The following CAMTA1 variants were observed in gnomAD, a reference collection of about 807,000 sequenced individuals.
CAMTA1 encodes the protein calmodulin-binding transcription activator 1.
Under a neutral mutation model 170.9 loss-of-function variants are expected in CAMTA1, and 27 were observed. The ratio of observed to expected loss-of-function variants is 0.16; its 90% CI spans 0.12 to 0.22. The LOEUF is 0.22. CAMTA1 is among the 10% of genes least tolerant of loss of function. CAMTA1 has a pLI of 1.00. For synonymous variants in CAMTA1, 833 were observed against 891.5 expected (o/e 0.93, Z 1.17); for missense variants, 1,619 against 2,217.2 (o/e 0.73, Z 5.42).
At chr1:7,432,121 A>G (rs562195557) in intron 5 of CAMTA1, among the ~76,000 whole-genome samples, 95 of 152,320 alleles carry the variant, frequency 6.2e-4, no homozygotes, top group Non-Finnish European at 2.9e-5. Context: ...AAGGCTGACC[A>G]GCGCAGAGCC....
chr1:7,605,452 C>T (rs993693795), intron 6 of CAMTA1, among the ~76,000 whole-genome samples: 12 of 152,210 alleles, frequency 7.9e-5, no homozygotes, highest in Admixed American at 2.0e-4. Flanking sequence ...TAGCAATGAG[C>T]GAGGCTCTGT....
intron 3 of CAMTA1, among the ~76,000 whole-genome samples, chr1:6,872,337 G>A (rs1668648766): frequency 6.6e-6 from 1 of 151,984 alleles, no homozygotes; most frequent in Admixed American, 6.6e-5. Context: ...AGTCTTAGCT[G>A]CCACATTATA....
chr1:7,111,860 G>A (rs1644062713), intron 4 of CAMTA1, among the ~76,000 whole-genome samples: 1 of 146,636 alleles, frequency 6.8e-6, no homozygotes, highest in African/African-American at 2.6e-5. Context: ...ACTCCAGCCT[G>A]GGCGACCGGG....
At chr1:7,593,611 T>G (rs1176431079) in intron 6 of CAMTA1, among the ~76,000 whole-genome samples, 1 of 150,558 alleles carries the variant, frequency 6.6e-6, no homozygotes, top group East Asian at 2.0e-4. Context: ...TGCCTCAGCC[T>G]CCTGAGTAGC....
In CAMTA1 at chr1:6,793,400, C is replaced by T. The variant is rs192054135; in HGVS notation, c.45+7825C>T. Among the ~76,000 whole-genome samples, 5 of 152,184 alleles carry T rather than the reference C, an allele frequency of 3.3e-5. No homozygotes were observed. In the East Asian group the frequency reaches 9.7e-4, roughly 29 times the overall value. On this transcript the variant is annotated intron_variant, in intron 1 of 22. Coordinates refer to ENST00000303635, the MANE Select transcript of CAMTA1 (RefSeq NM_015215.4). ...CAAAGTGGATTTTTCCCCATTTATTCCTATCTAACCATTGGAATAAATGTT... is the reference window on the plus strand; with the variant it reads ...CAAAGTGGATTTTTCCCCATTTATTTCTATCTAACCATTGGAATAAATGTT...
intron 4 of CAMTA1, among the ~76,000 whole-genome samples, chr1:7,227,437 C>T (rs1661913878): frequency 6.6e-6 from 1 of 152,130 alleles, no homozygotes; most frequent in African/African-American, 2.4e-5. Context: ...AAGCGATTCT[C>T]CTGCCTCAGC....
intron 6 of CAMTA1, among the ~76,000 whole-genome samples, chr1:7,498,912 C>T (rs571677850): frequency 0.022 from 1,903 of 87,864 alleles, 65 homozygotes; most frequent in African/African-American, 0.093. Context: ...GGTGTGAGTG[C>T]GTATGTATAT....
intron 3 of CAMTA1, among the ~76,000 whole-genome samples, chr1:6,968,893 T>G (rs1271135495): frequency 6.6e-6 from 1 of 152,150 alleles, no homozygotes; most frequent in East Asian, 1.9e-4. Flanking sequence ...CCAGTGTGGC[T>G]GCAGCATGGA....
At chr1:7,449,897 C>A (rs999665477) in intron 5 of CAMTA1, among the ~76,000 whole-genome samples, 2 of 152,120 alleles carry the variant, frequency 1.3e-5, no homozygotes, top group Admixed American at 1.3e-4. Context: ...CTCCATGCAG[C>A]CCCCAGGGGA....
chr1:7,375,381 C>T (rs1351948860), intron 5 of CAMTA1, among the ~76,000 whole-genome samples: 2 of 152,190 alleles, frequency 1.3e-5, no homozygotes, highest in East Asian at 1.9e-4. Flanking sequence ...CTAGAGACTC[C>T]AGTGGGGCCC....
chr1:7,623,482 A>G (rs2095612641), intron 6 of CAMTA1, among the ~76,000 whole-genome samples: 1 of 152,172 alleles, frequency 6.6e-6, no homozygotes, highest in African/African-American at 2.4e-5. Flanking sequence ...CCACACACTG[A>G]GTCCTTTCTC....
intron 3 of CAMTA1, among the ~76,000 whole-genome samples, chr1:7,017,449 A>G (rs1225506149): frequency 6.6e-6 from 1 of 152,260 alleles, no homozygotes; most frequent in African/African-American, 2.4e-5. Flanking sequence ...TTTGCTAAAT[A>G]TAAATGCCTT....
intron 3 of CAMTA1, among the ~76,000 whole-genome samples, chr1:7,086,135 G>A (rs985986939): frequency 6.6e-6 from 1 of 152,068 alleles, no homozygotes; most frequent in African/African-American, 2.4e-5. Flanking sequence ...CTACTTGAAC[G>A]TCCAAAGGAC....
intron 3 of CAMTA1, among the ~76,000 whole-genome samples, chr1:6,827,237 G>A (rs928222475): frequency 9.9e-5 from 15 of 152,174 alleles, no homozygotes; most frequent in African/African-American, 3.1e-4. Context: ...CTAGGTAGAG[G>A]AGCGTATGTT....
intron 3 of CAMTA1, among the ~76,000 whole-genome samples, chr1:6,937,496 TC>T (rs1685584947): frequency 1.9e-4 from 14 of 73,480 alleles, no homozygotes; most frequent in Non-Finnish European, 2.0e-4. Flanking sequence ...CCATCATCAT[TC>T]ACCACTTACT....
chr1:7,175,803 C>T (rs1306423135), intron 4 of CAMTA1, among the ~76,000 whole-genome samples: 1 of 152,244 alleles, frequency 6.6e-6, no homozygotes, highest in African/African-American at 2.4e-5. Flanking sequence ...TCCTTTCAGC[C>T]CCCAGGTATT....
rs1250256272 is a variant in CAMTA1 at position 6,793,860 on chromosome 1, T to G, written c.45+8285T>G. On this transcript the variant is annotated intron_variant, in intron 1 of 22. Transcript: ENST00000303635. Reference sequence around the variant, plus strand: ...AATTAATGTTCTTAAAACTTAAATTTGTTTTTTAATCCTTTTCTGAAAAGT... The same window carrying G: ...AATTAATGTTCTTAAAACTTAAATTGGTTTTTTAATCCTTTTCTGAAAAGT... 2.0e-5 allele frequency among the ~76,000 whole-genome samples: 3 copies of G among 152,258 alleles called. No individual in the cohort carries two copies. In the South Asian group the frequency reaches 6.2e-4, roughly 31 times the overall value.
Position 7,769,031 on chromosome 1 carries a change from A to G in CAMTA1, c.*2540A>G, listed in dbSNP as rs1443091120. On this transcript the variant is annotated 3_prime_UTR_variant, in exon 23 of 23. Coordinates refer to ENST00000303635, the MANE Select transcript of CAMTA1 (RefSeq NM_015215.4). ...TTTTTTTTAATGTTTCACATGTTAC[A>G]TTATTAGCTGAATACGTTAGAAAAT... 2 of 152,348 alleles carry G rather than the reference A, an allele frequency of 1.3e-5. No individual in the cohort carries two copies. The highest frequency in any genetic ancestry group is 2.4e-5 in the African/African-American group (1 of 41,318). 9.4% of individuals were successfully genotyped at this position (152,348 alleles called of 1,614,324 possible).
intron 4 of CAMTA1, among the ~76,000 whole-genome samples, chr1:7,120,460 G>C (rs1337347614): frequency 6.6e-6 from 1 of 152,194 alleles, no homozygotes; most frequent in Non-Finnish European, 1.5e-5. Context: ...GCCCTTCAAG[G>C]TGGCTGCTTG....
Sources: allele counts gnomAD v4.1 joint callset (sites outside exome capture counted in the v4.1 genomes callset), GRCh38; gene constraint gnomAD v4.1.1; transcripts MANE v1.5; gene names NCBI Gene and HGNC (gene_info 2026-07-23, HGNC 2026-07-21).